The following MRPL18 variants were observed in gnomAD, a reference collection of about 807,000 sequenced individuals.
MRPL18 encodes the protein large ribosomal subunit protein uL18m.
MRPL18 carries 16 observed loss-of-function variants against 20.9 expected under a neutral mutation model. The ratio of observed to expected loss-of-function variants is 0.76; its 90% CI spans 0.52 to 1.16. The LOEUF (loss-of-function observed/expected upper bound fraction) is 1.16, where lower values mean the gene tolerates loss of function less well. Among genes scored for constraint, MRPL18 ranks in the 50% most tolerant of loss-of-function variants. The pLI, the probability that MRPL18 is intolerant of heterozygous loss-of-function variation, is 0.00. For missense variants in MRPL18, 233 were observed against 230.6 expected, an observed-to-expected ratio of 1.01 and a Z score of -0.07; for synonymous variants, 91 against 87.1, an observed-to-expected ratio of 1.04 and a Z score of -0.25.
intron 2 of MRPL18, 98 bp downstream of exon 2, chr6:159,791,224 C>T (rs2115004935): frequency 4.9e-6 from 7 of 1,443,212 alleles, no homozygotes; most frequent in South Asian, 2.6e-5. Flanking sequence ...TGCCATGCGG[C>T]GGGTAGAGGC....
At chr6:159,797,790 CATG>C (rs1171073841) in intron 3 of MRPL18, among the ~76,000 whole-genome samples, 1 of 152,156 alleles carries the variant, frequency 6.6e-6, no homozygotes, top group Non-Finnish European at 1.5e-5. Flanking sequence ...TTCTGTAGTC[CATG>C]ATGTCAGCCA....
Position 159,791,104 on chromosome 6 carries a change from C to T in MRPL18, c.217C>T (p.Pro73Ser). Residue 73 changes from proline (P) to serine (S), a missense_variant, in exon 2 of 4, where the codon CCC becomes TCC. By Grantham distance (74) the Pro-to-Ser change is moderately conservative. Coordinates refer to ENST00000367034, the MANE Select transcript of MRPL18 (RefSeq NM_014161.5). ...RKERGWRTVF[P>S]SREFWHRLRV... is the part of the protein sequence containing the mutation. ...AGAGCGGGGCTGGCGGACGGTGTTT[C>T]CCTCCCGTGAGTTCTGGCACAGGTA... is the stretch of plus-strand genomic sequence containing the variant. 14 of 1,614,148 alleles carry T rather than the reference C, an allele frequency of 8.7e-6. No homozygotes were observed. Among genetic ancestry groups the T allele is most frequent in the Non-Finnish European group, 1.2e-5 (14 of 1,180,030 alleles).
chr6:159,798,011 T>C, intron 3 of MRPL18, 41 bp from the exon 4 acceptor site: 4 of 1,541,208 alleles, frequency 2.6e-6, no homozygotes, highest in Non-Finnish European at 3.6e-6. Context: ...CTCGTGCTGC[T>C]GACTTAATCT....
chr6:159,797,267 T>C lies in MRPL18; in HGVS notation c.240-20T>C, dbSNP rs1173373426. On this transcript the variant is annotated intron_variant, in intron 2 of 3. Transcript: ENST00000367034. ...GATACAGATTCTTCTGTGATTTTAT[T>C]ATCTTCTCACCCCATTTAGGTTGCG... 3 of 1,596,450 alleles carry C rather than the reference T, an allele frequency of 1.9e-6. No homozygotes were observed. The South Asian group carries it at 3.3e-5, about 18-fold the overall frequency.
chr6:159,792,628 C>A (rs1261187576), intron 2 of MRPL18, among the ~76,000 whole-genome samples: 1 of 152,106 alleles, frequency 6.6e-6, no homozygotes, highest in African/African-American at 2.4e-5. Context: ...AACACCCAAC[C>A]TATTACTTTC....
chr6:159,798,290 T>G lies in MRPL18; in HGVS notation c.*167T>G. 1 of 537,404 alleles carries G rather than the reference T, an allele frequency of 1.9e-6. No individual in the cohort carries two copies. Among genetic ancestry groups the G allele is most frequent in the East Asian group, 3.2e-5 (1 of 31,310 alleles). The allele number at this position is 537,404 out of a possible 1,614,324, so 33.3% of individuals were successfully genotyped here. A position where few individuals can be genotyped will look rare whatever the true frequency, so the allele number is the denominator to read the frequency against. On this transcript the variant is annotated 3_prime_UTR_variant, in exon 4 of 4. Coordinates refer to ENST00000367034, the MANE Select transcript of MRPL18 (RefSeq NM_014161.5). ...CATCCTCCTCCCCTTTCTGTTTTTT[T>G]AAATCAAGAACTACGTTCTGCCCCT...
intron 2 of MRPL18, among the ~76,000 whole-genome samples, chr6:159,792,977 TC>T (rs1250544099): frequency 5.9e-5 from 7 of 117,962 alleles, no homozygotes; most frequent in Non-Finnish European, 1.4e-4. Context: ...CTAATTTTTT[TC>T]TTTTTCTTTT....
rs1453734696 is a variant in MRPL18, at chr6:159,790,555, A to C, written c.-33A>C. Reference sequence around the variant, plus strand: ...AGCGACTGAGTCGTCCGTGAGGAAAAAGAGGCGAGGCTTTTCCGAGATCGT... The same window carrying C: ...AGCGACTGAGTCGTCCGTGAGGAAACAGAGGCGAGGCTTTTCCGAGATCGT... On this transcript the variant is annotated 5_prime_UTR_variant, in exon 1 of 4. Coordinates refer to ENST00000367034, the MANE Select transcript of MRPL18 (RefSeq NM_014161.5). 28 of 1,614,050 alleles carry C rather than the reference A, an allele frequency of 1.7e-5. No homozygotes were observed. The highest frequency in any genetic ancestry group is 2.3e-5 in the Non-Finnish European group (27 of 1,180,022).
At chr6:159,790,070 AG>A (rs1226599352), upstream of MRPL18, 1 of 178,012 alleles carries the variant, frequency 5.6e-6, no homozygotes, top group Non-Finnish European at 1.2e-5. Context: ...TGTAAGTTTA[AG>A]GGCGCGAACC....
Position 159,790,493 on chromosome 6 carries a change from A to C in MRPL18, c.-95A>C. 6.4e-7 allele frequency: 1 copy of C among 1,562,310 alleles called. No homozygotes were observed. The highest frequency in any genetic ancestry group is 8.8e-7 in the Non-Finnish European group (1 of 1,137,292). ...AGAGTTTGGGGATCTACAGCAGCCA[A>C]AGGCTTGTCCCTGACTTTATATGGC... On this transcript the variant is annotated 5_prime_UTR_variant, in exon 1 of 4. Transcript: ENST00000367034.
At chr6:159,792,553 C>G (rs1223479996) in intron 2 of MRPL18, among the ~76,000 whole-genome samples, 5 of 152,118 alleles carry the variant, frequency 3.3e-5, no homozygotes, top group African/African-American at 1.2e-4. Context: ...AGGAGGGAGT[C>G]CAAGAAAGGG....
Position 159,798,247 on chromosome 6 carries a change from A to G in MRPL18, c.*124A>G. ...TACAGCAATAATGTTGCAGTGGAAT[A>G]TTATTTGTAGTTAAGGTCATCCTCC... On this transcript the variant is annotated 3_prime_UTR_variant, in exon 4 of 4. Transcript: ENST00000367034. 2 of 730,130 alleles carry G rather than the reference A, an allele frequency of 2.7e-6. No homozygotes were observed. The highest frequency in any genetic ancestry group is 4.4e-6 in the Non-Finnish European group (2 of 451,468). 45.2% of individuals were successfully genotyped at this position (730,130 alleles called of 1,614,324 possible).
Position 159,790,648 on chromosome 6 carries a change from T to G in MRPL18, c.52+9T>G, listed in dbSNP as rs757861634. 1.9e-6 allele frequency: 3 copies of G among 1,613,928 alleles called. No homozygotes were observed. The highest frequency in any genetic ancestry group is 2.5e-6 in the Non-Finnish European group (3 of 1,179,950). On this transcript the variant is annotated intron_variant, in intron 1 of 3. Transcript: ENST00000367034. ...GGTTTGCAGGAACCCTGGTAATTAG[T>G]CTTGCCCCCCTTCTCCCAGCTCACT...
intron 2 of MRPL18, among the ~76,000 whole-genome samples, chr6:159,795,532 TG>T (rs1781010401): frequency 6.6e-6 from 1 of 152,210 alleles, no homozygotes; most frequent in Admixed American, 6.5e-5. Flanking sequence ...ACCCTGAGTT[TG>T]ACACAGCACG....
intron 2 of MRPL18, among the ~76,000 whole-genome samples, chr6:159,792,989 T>TA (rs1467676975): frequency 1.3e-5 from 2 of 151,804 alleles, no homozygotes; most frequent in African/African-American, 2.4e-5. Context: ...TTTTTCTTTT[T>TA]TTTTTTTTCT....
rs1381860774 is a variant in MRPL18, at chr6:159,797,499, G to T, written c.452G>T (p.Trp151Leu). The T allele has an allele frequency of 6.2e-7, 1 of 1,614,022 alleles. No homozygotes were observed. ...TTCATGGTCTACCAACCAACCCCGT[G>T]GGAGGCAGCCTCAGACTCGGTATTT... ...INFMVYQPTPWEAASDSMKRL... is the reference protein window; with the variant it reads ...INFMVYQPTPLEAASDSMKRL... Residue 151 changes from tryptophan to leucine, a missense_variant, in exon 3 of 4, where the codon TGG becomes TTG. Transcript: ENST00000367034.
chr6:159,791,500 G>A (rs564426475), intron 2 of MRPL18, among the ~76,000 whole-genome samples: 1 of 152,336 alleles, frequency 6.6e-6, no homozygotes, highest in South Asian at 2.1e-4. Flanking sequence ...GGGGTAAGGA[G>A]GCGACAGATG....
At chr6:159,792,704 T>G (rs1780931395) in intron 2 of MRPL18, among the ~76,000 whole-genome samples, 1 of 152,236 alleles carries the variant, frequency 6.6e-6, no homozygotes, top group Non-Finnish European at 1.5e-5. Flanking sequence ...TGGTATGATA[T>G]CTGCTTACTG....
chr6:159,796,655 G>A (rs1441508561), intron 2 of MRPL18, among the ~76,000 whole-genome samples: 1 of 152,090 alleles, frequency 6.6e-6, no homozygotes, highest in African/African-American at 2.4e-5. Context: ...GCAGTGGCAT[G>A]CACCTGTAAT....
Sources: allele counts gnomAD v4.1 joint callset (sites outside exome capture counted in the v4.1 genomes callset), GRCh38; gene constraint gnomAD v4.1.1; transcripts MANE v1.5; gene names NCBI Gene and HGNC (gene_info 2026-07-23, HGNC 2026-07-21).